The following ADAM10 variants were observed in gnomAD, a reference collection of about 807,000 sequenced individuals.
ADAM10 encodes the protein disintegrin and metalloproteinase domain-containing protein 10.
A neutral mutation model predicts 90.1 loss-of-function variants in ADAM10; 17 were observed. That is an observed-to-expected ratio of 0.19 (90% CI 0.13 to 0.28). The LOEUF is 0.28. Among genes scored for constraint, ADAM10 ranks in the 10% least tolerant of loss-of-function variants. ADAM10 has a pLI of 1.00. For synonymous variants in ADAM10, 310 were observed against 298.6 expected, an observed-to-expected ratio of 1.04 and a Z score of -0.40; for missense variants, 610 against 914.3, an observed-to-expected ratio of 0.67 and a Z score of 4.29.
chr15:58,600,508 T>C (rs1895079399), intron 14 of ADAM10, among the ~76,000 whole-genome samples: 1 of 152,142 alleles, frequency 6.6e-6, no homozygotes, highest in African/African-American at 2.4e-5. Flanking sequence ...AATATCTTTA[T>C]TGTATTCATT....
chr15:58,707,710 A>G (rs1898348665), intron 2 of ADAM10, among the ~76,000 whole-genome samples: 1 of 152,194 alleles, frequency 6.6e-6, no homozygotes, highest in African/African-American at 2.4e-5. Flanking sequence ...TGAAAAGAAA[A>G]AAGTTTTCTA....
chr15:58,603,419 G>A (rs1444830752), intron 14 of ADAM10, among the ~76,000 whole-genome samples: 1 of 152,132 alleles, frequency 6.6e-6, no homozygotes, highest in African/African-American at 2.4e-5. Flanking sequence ...AACACCTGCT[G>A]GGGAAGTGGT....
intron 1 of ADAM10, among the ~76,000 whole-genome samples, chr15:58,741,448 T>C (rs1214987958): frequency 6.6e-6 from 1 of 152,176 alleles, no homozygotes; most frequent in African/African-American, 2.4e-5. Context: ...AGATTAAAGA[T>C]CTATGCAAAG....
intron 2 of ADAM10, among the ~76,000 whole-genome samples, chr15:58,694,582 A>G (rs1326904752): frequency 2.6e-5 from 4 of 152,178 alleles, no homozygotes; most frequent in Non-Finnish European, 2.9e-5. Context: ...CAGCAATTCT[A>G]CTCAAGAAAA....
chr15:58,712,579 G>A (rs541455080), intron 2 of ADAM10, among the ~76,000 whole-genome samples: 1 of 151,988 alleles, frequency 6.6e-6, no homozygotes, highest in African/African-American at 2.4e-5. Flanking sequence ...CAGCACTTTG[G>A]GAGGCCAAGG....
chr15:58,715,723 ACT>A (rs1427371299), intron 2 of ADAM10, among the ~76,000 whole-genome samples: 1 of 152,088 alleles, frequency 6.6e-6, no homozygotes, highest in Non-Finnish European at 1.5e-5. Context: ...ACTCATGCAA[ACT>A]CTCTCGCTTT....
At chr15:58,652,171 A>G (rs1231144030) in intron 5 of ADAM10, among the ~76,000 whole-genome samples, 1 of 152,096 alleles carries the variant, frequency 6.6e-6, no homozygotes, top group African/African-American at 2.4e-5. Context: ...AGTAGTGTGC[A>G]AATATTTTCT....
intron 14 of ADAM10, 71 bp from the exon 15 acceptor site, chr15:58,599,795 T>C (rs1895060287): frequency 1.4e-6 from 2 of 1,480,376 alleles, no homozygotes; most frequent in African/African-American, 1.4e-5. Context: ...TTTTACAGTA[T>C]ATAAAACATA....
chr15:58,727,282 C>A (rs1899071378), intron 1 of ADAM10, among the ~76,000 whole-genome samples: 1 of 151,310 alleles, frequency 6.6e-6, no homozygotes, highest in Admixed American at 6.6e-5. Context: ...CCTCTGCCTC[C>A]CAGGTTCAAG....
intron 2 of ADAM10, among the ~76,000 whole-genome samples, chr15:58,697,714 C>T (rs556454801): frequency 6.6e-6 from 1 of 152,272 alleles, no homozygotes; most frequent in South Asian, 2.1e-4. Context: ...TGGCCAACCA[C>T]TGCCCCTACC....
intron 8 of ADAM10, among the ~76,000 whole-genome samples, chr15:58,636,887 T>C (rs1212255850): frequency 6.6e-6 from 1 of 152,176 alleles, no homozygotes; most frequent in Non-Finnish European, 1.5e-5. Context: ...ATAGTAATAC[T>C]CCCACAAGTG....
At chr15:58,633,427 G>T in intron 8 of ADAM10, 68 bp from the exon 9 acceptor site, 2 of 1,309,498 alleles carry the variant, frequency 1.5e-6, no homozygotes, top group Non-Finnish European at 2.2e-6. Context: ...GGTAATACAT[G>T]CTATATTAAA....
At chr15:58,644,142 C>T (rs936814332) in intron 6 of ADAM10, among the ~76,000 whole-genome samples, 164 bp from the exon 7 acceptor site, 2 of 151,570 alleles carry the variant, frequency 1.3e-5, no homozygotes, top group African/African-American at 4.8e-5. Flanking sequence ...TAGTGAGCTG[C>T]GCTGGGAAGG....
intron 2 of ADAM10, chr15:58,691,025 CT>C: frequency 3.8e-6 from 2 of 523,880 alleles, no homozygotes; most frequent in East Asian, 3.9e-5. Context: ...TCTCCAGGTG[CT>C]TTTTAGCCAT....
intron 5 of ADAM10, 75 bp downstream of exon 5, chr15:58,665,022 T>C (rs1897047309): frequency 2.6e-6 from 3 of 1,162,090 alleles, no homozygotes; most frequent in Middle Eastern, 2.0e-4. Context: ...TCCTAGAACA[T>C]ATATTTTAAA....
At position 58,749,549 on chromosome 15, in the gene ADAM10, GCCGCCGCC is replaced by G. The variant is rs1899911854; in HGVS notation, c.-23_-16del. ...AGCAACACCATCTTCCGCTGCCGCTGCCGCCGCCGCCGCCTCCTCACGGGTTAACAGCA... is the reference window on the plus strand; with the variant it reads ...AGCAACACCATCTTCCGCTGCCGCTGGCCGCCTCCTCACGGGTTAACAGCA... On this transcript the variant is annotated 5_prime_UTR_variant, in exon 1 of 16. Coordinates refer to ENST00000260408, the MANE Select transcript of ADAM10 (RefSeq NM_001110.4). 4.5e-6 allele frequency: 7 copies of G among 1,545,916 alleles called. No individual in the cohort carries two copies. The highest frequency in any genetic ancestry group is 6.1e-6 in the Non-Finnish European group (7 of 1,144,026).
intron 5 of ADAM10, among the ~76,000 whole-genome samples, chr15:58,661,905 C>T (rs1251809380): frequency 6.6e-6 from 1 of 152,132 alleles, no homozygotes; most frequent in Non-Finnish European, 1.5e-5. Context: ...ATATTTTTCA[C>T]CCTAGAAGTT....
At chr15:58,722,955 C>T (rs1349204448) in intron 1 of ADAM10, among the ~76,000 whole-genome samples, 1 of 151,932 alleles carries the variant, frequency 6.6e-6, no homozygotes, top group African/African-American at 2.4e-5. Context: ...TGGTCTCAAA[C>T]TCCTGGGCTC....
chr15:58,699,529 C>T (rs1409608008), intron 2 of ADAM10, among the ~76,000 whole-genome samples: 2 of 152,022 alleles, frequency 1.3e-5, no homozygotes, highest in African/African-American at 2.4e-5. Context: ...GAGGCCGAAA[C>T]AGGCAGGTCA....
Sources: allele counts gnomAD v4.1 joint callset (sites outside exome capture counted in the v4.1 genomes callset), GRCh38; gene constraint gnomAD v4.1.1; transcripts MANE v1.5; gene names NCBI Gene and HGNC (gene_info 2026-07-23, HGNC 2026-07-21).